Variants in TTC39C observed in about 807,000 individuals in gnomAD.
TTC39C encodes the protein tetratricopeptide repeat protein 39C.
A neutral mutation model predicts 76.3 loss-of-function variants in TTC39C; 33 were observed. The observed-to-expected ratio is 0.43, with a 90% CI of 0.33 to 0.58. The LOEUF (loss-of-function observed/expected upper bound fraction) is 0.58, where lower values mean the gene tolerates loss of function less well. Among genes scored for constraint, TTC39C ranks in the 20% least tolerant of loss-of-function variants. TTC39C has a pLI of 0.04. For synonymous variants in TTC39C, 254 were observed against 260.6 expected (o/e 0.97, Z 0.24); for missense variants, 595 against 701.4 (o/e 0.85, Z 1.71).
intron 4 of TTC39C, among the ~76,000 whole-genome samples, chr18:24,077,545 A>G (rs1049910916): frequency 1.3e-5 from 2 of 151,762 alleles, no homozygotes; most frequent in Non-Finnish European, 2.9e-5. Flanking sequence ...TCCTTTGTTT[A>G]TTTTCTTTTC....
At chr18:24,045,928 T>TATATATG (rs1251153059) in intron 1 of TTC39C, among the ~76,000 whole-genome samples, 6 of 22,928 alleles carry the variant, frequency 2.6e-4, no homozygotes, top group African/African-American at 1.1e-3. Context: ...TATATATATA[T>TATATATG]TTTTTTTTTT....
At chr18:24,067,502 C>T (rs2084180744) in intron 3 of TTC39C, among the ~76,000 whole-genome samples, 1 of 152,126 alleles carries the variant, frequency 6.6e-6, no homozygotes, top group South Asian at 2.1e-4. Flanking sequence ...AGCATTACCA[C>T]CTGAGCTTCG....
intron 6 of TTC39C, among the ~76,000 whole-genome samples, chr18:24,109,275 G>A (rs1289323890): frequency 6.6e-6 from 1 of 151,426 alleles, no homozygotes; most frequent in Non-Finnish European, 1.5e-5. Context: ...AGGATTGCTT[G>A]AGCCCAGAAG....
At position 24,049,924 on chromosome 18, in the gene TTC39C, G is replaced by A. The variant is rs112811910; in HGVS notation, c.168-14216G>A. Among the ~76,000 whole-genome samples, 50 of 152,250 alleles carry A rather than the reference G, an allele frequency of 3.3e-4. No individual in the cohort carries two copies. The East Asian group carries it at 6.9e-3, about 21-fold the overall frequency. On this transcript the variant is annotated intron_variant, in intron 1 of 13. Coordinates refer to ENST00000317571, the MANE Select transcript of TTC39C (RefSeq NM_001135993.2). ...ATATCCTCTTACTAAATAGTCTGTCGTATTAATTAGACTGGGTAGTCCTAA... is the reference window on the plus strand; with the variant it reads ...ATATCCTCTTACTAAATAGTCTGTCATATTAATTAGACTGGGTAGTCCTAA...
chr18:24,048,220 C>CTAA (rs1245467711), intron 1 of TTC39C, among the ~76,000 whole-genome samples: 2 of 152,156 alleles, frequency 1.3e-5, no homozygotes, highest in Non-Finnish European at 2.9e-5. Context: ...TTGCGTGAGA[C>CTAA]TAATAAACCA....
At chr18:24,129,124 A>G (rs1174503269) in intron 11 of TTC39C, 141 bp downstream of exon 11, 4 of 559,260 alleles carry the variant, frequency 7.2e-6, no homozygotes, top group African/African-American at 1.9e-5. Context: ...GATTAATGCC[A>G]TCTTCTCAGA....
chr18:24,076,180 A>G (rs1029155454), intron 4 of TTC39C, among the ~76,000 whole-genome samples: 6 of 152,052 alleles, frequency 3.9e-5, no homozygotes, highest in African/African-American at 1.4e-4. Context: ...GGGTTTCACC[A>G]TGTTGGCCAG....
intron 1 of TTC39C, among the ~76,000 whole-genome samples, chr18:24,001,823 GTTTTTTT>G (rs750295981): frequency 1.7e-5 from 1 of 57,496 alleles, no homozygotes; most frequent in Admixed American, 1.8e-4. Context: ...CGGTAATTCT[GTTTTTTT>G]TTTTTTTTTT....
At chr18:24,114,433 T>G in intron 6 of TTC39C, 121 bp from the exon 7 acceptor site, 1 of 707,562 alleles carries the variant, frequency 1.4e-6, no homozygotes, top group Non-Finnish European at 2.4e-6. Flanking sequence ...TAAACCACTG[T>G]CTTCTATATT....
rs187918854 is a variant in TTC39C, at chr18:24,132,613, G to A, written c.*39G>A. 1,476 of 1,557,438 alleles carry A rather than the reference G, an allele frequency of 9.5e-4. 1 individual carries two copies. Among genetic ancestry groups the A allele is most frequent in the Non-Finnish European group, 1.2e-3 (1,328 of 1,139,494 alleles). On this transcript the variant is annotated 3_prime_UTR_variant, in exon 14 of 14. Transcript: ENST00000317571. ...CCCGCTCCGTCCCTCCCCACCCAGG[G>A]TCCGCACTTTAAAATAAAAGCAGAG...
At chr18:24,046,185 G>T (rs192420511) in intron 1 of TTC39C, among the ~76,000 whole-genome samples, 24 of 151,870 alleles carry the variant, frequency 1.6e-4, no homozygotes, top group Admixed American at 1.5e-3. Context: ...TGATCCACCT[G>T]CCTTGGCCTC....
intron 8 of TTC39C, among the ~76,000 whole-genome samples, chr18:24,123,385 TTTTG>T (rs138234250): frequency 0.64 from 88,356 of 138,858 alleles, 30,029 homozygotes; most frequent in Non-Finnish European, 0.78. Context: ...ACAGTCTTTT[TTTTG>T]TTTGTTTGTT....
chr18:24,069,252 T>G lies in TTC39C; in HGVS notation c.441T>G (p.Phe147Leu). The G allele has an allele frequency of 6.2e-7, 1 of 1,613,836 alleles. No individual in the cohort carries two copies. ...DCQVYLAVLS[F>L]VKQELSAYIK... ...AGGTTTACCTGGCTGTGCTTTCATT[T>G]GTAAAACAAGAATTGTCAGGTATGC... Residue 147 changes from phenylalanine (F) to leucine (L), a missense_variant, in exon 4 of 14, where the codon TTT becomes TTG. Phe to Leu is a conservative substitution (Grantham distance 22, BLOSUM62 0). Coordinates refer to ENST00000317571, the MANE Select transcript of TTC39C (RefSeq NM_001135993.2).
At chr18:24,034,840 G>A (rs2083713808) in intron 1 of TTC39C, among the ~76,000 whole-genome samples, 1 of 152,154 alleles carries the variant, frequency 6.6e-6, no homozygotes, top group Non-Finnish European at 1.5e-5. Context: ...ATATTCCATT[G>A]TTTGTATATG....
Position 24,014,787 on chromosome 18 carries a change from AG to A in TTC39C, c.-83del. The A allele has an allele frequency of 9.3e-7, 1 of 1,076,084 alleles. No individual in the cohort carries two copies. The highest frequency in any genetic ancestry group is 6.3e-5 in the East Asian group (1 of 15,886). 66.7% of individuals were successfully genotyped at this position (1,076,084 alleles called of 1,614,324 possible). ...CTCCCGGCTCCGCTTGGCTCCGGGC[AG>A]GTAGAGCCGGGCTCCGGGCGCGCGC... On this transcript the variant is annotated 5_prime_UTR_variant, in exon 1 of 14. Coordinates refer to ENST00000317571, the MANE Select transcript of TTC39C (RefSeq NM_001135993.2).
chr18:24,034,101 GT>G (rs2083706320), intron 1 of TTC39C, among the ~76,000 whole-genome samples: 1 of 152,160 alleles, frequency 6.6e-6, no homozygotes, highest in Non-Finnish European at 1.5e-5. Context: ...AAGGAGGAAG[GT>G]TGTAAGAAAA....
chr18:24,052,315 G>A (rs1227204374), intron 1 of TTC39C, among the ~76,000 whole-genome samples: 1 of 152,196 alleles, frequency 6.6e-6, no homozygotes, highest in African/African-American at 2.4e-5. Context: ...TGAAGAGCGG[G>A]CGTATTCTTG....
chr18:24,132,540 C>T lies in TTC39C; in HGVS notation c.1718C>T (p.Ala573Val). ...AGATTGCATGTCCGCATCCATGCTG[C>T]TCTGGCCTCTCTGAGGGAATTGGTT... ...ENRLHVRIHA[A>V]LASLRELVPQ The change falls in exon 14 of 14, where the codon GCT becomes GTT. Residue 573 changes from alanine to valine, a missense_variant. Physicochemically the swap from Ala to Val is moderately conservative, Grantham distance 64 (BLOSUM62 0). Transcript: ENST00000317571. 2 of 1,614,054 alleles carry T rather than the reference C, an allele frequency of 1.2e-6. No homozygotes were observed. The highest frequency in any genetic ancestry group is 1.7e-6 in the Non-Finnish European group (2 of 1,179,974).
chr18:24,024,605 CTTCT>C (rs1208224271), intron 1 of TTC39C, among the ~76,000 whole-genome samples: 1 of 152,068 alleles, frequency 6.6e-6, no homozygotes, highest in Non-Finnish European at 1.5e-5. Flanking sequence ...TGAACCAGGC[CTTCT>C]TTGTCAGGAT....
Sources: gnomAD v4.1 joint callset for allele counts (sites outside exome capture counted in the v4.1 genomes callset) on GRCh38, gnomAD v4.1.1 for gene constraint, MANE v1.5 for transcripts, NCBI Gene and HGNC (gene_info 2026-07-23, HGNC 2026-07-21) for gene names.